Variants in SPATA16 observed in about 807,000 individuals in gnomAD.
SPATA16 encodes the protein spermatogenesis associated 16, also known as spermatogenesis-associated protein 16.
SPATA16 carries 36 observed loss-of-function variants against 63.3 expected under a neutral mutation model. That is an observed-to-expected ratio of 0.57 (90% confidence interval 0.44 to 0.75). The LOEUF is 0.75. Among genes scored for constraint, SPATA16 ranks in the 30% least tolerant of loss-of-function variants. The pLI, the probability that SPATA16 is intolerant of heterozygous loss-of-function variation, is 0.00. For synonymous variants in SPATA16, 203 were observed against 216.7 expected, an observed-to-expected ratio of 0.94 and a Z score of 0.56; for missense variants, 646 against 679.3, an observed-to-expected ratio of 0.95 and a Z score of 0.54.
intron 3 of SPATA16, among the ~76,000 whole-genome samples, chr3:173,022,048 A>G (rs951606825): frequency 9.9e-5 from 15 of 152,002 alleles, no homozygotes; most frequent in African/African-American, 3.4e-4. Flanking sequence ...AGAGCTTATC[A>G]AAAGAGAGAG....
intron 1 of SPATA16, among the ~76,000 whole-genome samples, chr3:173,123,601 ATTTT>A (rs541550629): frequency 1.5e-5 from 2 of 136,528 alleles, no homozygotes. Flanking sequence ...AAGGTATTAG[ATTTT>A]TTTTTTTTTT....
chr3:172,995,913 G>A (rs955870575), intron 4 of SPATA16, among the ~76,000 whole-genome samples: 1 of 151,956 alleles, frequency 6.6e-6, no homozygotes, highest in African/African-American at 2.4e-5. Flanking sequence ...AATTAATATG[G>A]GTGAATTAAT....
intron 10 of SPATA16, among the ~76,000 whole-genome samples, chr3:172,897,101 A>G (rs1429090451): frequency 6.6e-6 from 1 of 151,970 alleles, no homozygotes; most frequent in Non-Finnish European, 1.5e-5. Flanking sequence ...ACCTAATTTG[A>G]GTTAATTTTT....
intron 5 of SPATA16, among the ~76,000 whole-genome samples, chr3:172,961,094 C>T (rs1405275208): frequency 7.1e-6 from 1 of 141,518 alleles, no homozygotes; most frequent in African/African-American, 2.7e-5. Flanking sequence ...TCCTTCCTTC[C>T]TTCCTTCCTT....
intron 6 of SPATA16, among the ~76,000 whole-genome samples, chr3:172,951,364 A>G (rs931789425): frequency 2.6e-5 from 4 of 151,976 alleles, no homozygotes; most frequent in Non-Finnish European, 5.9e-5. Context: ...TTGAATTTTA[A>G]CTCTCCCTCA....
rs143802204 is a variant in SPATA16, at chr3:172,923,944, A to G, written c.1338+264T>C. Among the ~76,000 whole-genome samples the G allele has an allele frequency of 1.5e-4, 23 of 152,364 alleles. No homozygotes were observed. The East Asian group carries it at 4.4e-3, about 29-fold the overall frequency. ...AATTCACTGCAATGTTGAATTAGATATTAGGAAGGCATAAAGAAAAGGTTC... is the reference window on the plus strand; with the variant it reads ...AATTCACTGCAATGTTGAATTAGATGTTAGGAAGGCATAAAGAAAAGGTTC... On this transcript the variant is annotated intron_variant, in intron 8 of 10. Coordinates refer to ENST00000351008, the MANE Select transcript of SPATA16 (RefSeq NM_031955.6).
intron 6 of SPATA16, among the ~76,000 whole-genome samples, chr3:172,936,055 G>A (rs752956669): frequency 6.6e-6 from 1 of 152,212 alleles, no homozygotes; most frequent in Admixed American, 6.5e-5. Flanking sequence ...ATGAGTGAGA[G>A]GTGGTGTGGT....
At chr3:173,017,630 C>T (rs1052452728) in intron 4 of SPATA16, among the ~76,000 whole-genome samples, 1 of 152,182 alleles carries the variant, frequency 6.6e-6, no homozygotes, top group African/African-American at 2.4e-5. Context: ...GCAACTAGCT[C>T]GCTCCGAATT....
At chr3:173,057,811 T>A (rs1736274063) in intron 2 of SPATA16, among the ~76,000 whole-genome samples, 1 of 152,244 alleles carries the variant, frequency 6.6e-6, no homozygotes, top group African/African-American at 2.4e-5. Flanking sequence ...TTAAATCTCA[T>A]AATAAACAAA....
In SPATA16 at chr3:173,092,189, A is replaced by C. The variant is rs138200929; in HGVS notation, c.612+24931T>G. On this transcript the variant is annotated intron_variant, in intron 2 of 10. Transcript: ENST00000351008. The stretch of plus-strand genomic sequence containing the variant: ...TATTCTTTGTGACCCAGGAGTTTCT[A>C]TCTCTTAAATACTGCCATCCATGAA... Among the ~76,000 whole-genome samples the C allele has an allele frequency of 2.1e-3, 317 of 152,236 alleles. 2 individuals are homozygous for C. Among genetic ancestry groups the C allele is most frequent in the African/African-American group, 7.2e-3 (301 of 41,556 alleles).
chr3:173,006,050 T>C (rs1186682369), intron 4 of SPATA16, among the ~76,000 whole-genome samples: 1 of 152,198 alleles, frequency 6.6e-6, no homozygotes, highest in Non-Finnish European at 1.5e-5. Flanking sequence ...ATATAAGACT[T>C]CTACTACTTA....
chr3:173,053,509 A>G (rs769382704), intron 2 of SPATA16, among the ~76,000 whole-genome samples: 12 of 152,344 alleles, frequency 7.9e-5, no homozygotes, highest in Middle Eastern at 3.4e-3. Context: ...TTGTGCACAA[A>G]AGGATTTCAA....
At chr3:172,961,595 A>G (rs1027789572) in intron 5 of SPATA16, among the ~76,000 whole-genome samples, 10 of 152,090 alleles carry the variant, frequency 6.6e-5, no homozygotes, top group Admixed American at 2.0e-4. Context: ...GGGTTTCACC[A>G]TGTTAGTCAG....
chr3:173,076,396 ATT>A (rs5854501), intron 2 of SPATA16, among the ~76,000 whole-genome samples: 21 of 149,098 alleles, frequency 1.4e-4, no homozygotes, highest in South Asian at 6.3e-4. Flanking sequence ...TTAGTATAAA[ATT>A]TTTTTTTTTT....
chr3:172,913,657 T>C lies in SPATA16; in HGVS notation c.1587+4A>G. 1 of 1,613,276 alleles carries C rather than the reference T, an allele frequency of 6.2e-7. No homozygotes were observed. The highest frequency in any genetic ancestry group is 8.5e-7 in the Non-Finnish European group (1 of 1,179,414). ...GATCTTTTTCCTTCAGCTCAAAGTT[T>C]TACCTTTTGGATCATATTCCACACA... On this transcript the variant is annotated splice_donor_region_variant and intron_variant, in intron 10 of 10. Coordinates refer to ENST00000351008, the MANE Select transcript of SPATA16 (RefSeq NM_031955.6).
At chr3:173,087,106 C>A (rs1737079647) in intron 2 of SPATA16, among the ~76,000 whole-genome samples, 1 of 152,078 alleles carries the variant, frequency 6.6e-6, no homozygotes, top group Non-Finnish European at 1.5e-5. Flanking sequence ...TCTTGATGAT[C>A]TAATATTGAC....
At chr3:173,038,668 G>C (rs966702973) in intron 3 of SPATA16, among the ~76,000 whole-genome samples, 3 of 152,034 alleles carry the variant, frequency 2.0e-5, no homozygotes, top group Admixed American at 2.0e-4. Flanking sequence ...TCTCCTTGTT[G>C]ATAAGCATTA....
chr3:172,950,141 T>C (rs1000091535), intron 6 of SPATA16, among the ~76,000 whole-genome samples: 1 of 152,162 alleles, frequency 6.6e-6, no homozygotes, highest in Non-Finnish European at 1.5e-5. Flanking sequence ...TAAGACAATA[T>C]GCTAAGCAGA....
At chr3:173,015,012 T>C (rs906329322) in intron 4 of SPATA16, among the ~76,000 whole-genome samples, 4 of 152,156 alleles carry the variant, frequency 2.6e-5, no homozygotes, top group African/African-American at 9.7e-5. Flanking sequence ...TTGTATCCCT[T>C]ATCTAGCCCA....
Sources: gnomAD v4.1 joint callset for allele counts (sites outside exome capture counted in the v4.1 genomes callset) on GRCh38, gnomAD v4.1.1 for gene constraint, MANE v1.5 for transcripts, NCBI Gene and HGNC (gene_info 2026-07-23, HGNC 2026-07-21) for gene names.